RAB4B: variants seen among roughly 807,000 people sequenced by gnomAD.
The protein encoded by RAB4B is ras-related protein Rab-4B.
RAB4B carries 15 observed loss-of-function variants against 28.3 expected under a neutral mutation model. The ratio of observed to expected loss-of-function variants is 0.53; its 90% CI spans 0.35 to 0.82. The LOEUF (loss-of-function observed/expected upper bound fraction) is 0.82, where lower values mean the gene tolerates loss of function less well. RAB4B is among the 40% of genes least tolerant of loss of function. The pLI is 0.01. For synonymous variants in RAB4B, 108 were observed against 116.3 expected (o/e 0.93, Z 0.46); for missense variants, 244 against 288.5 (o/e 0.85, Z 1.12).
intron 7 of RAB4B, among the ~76,000 whole-genome samples, chr19:40,794,182 C>T (rs1420531314): frequency 6.6e-6 from 1 of 152,042 alleles, no homozygotes; most frequent in Non-Finnish European, 1.5e-5. Context: ...TCAAGCGATT[C>T]TCTTGCCTCA....
At chr19:40,778,960 A>C (rs1034571427) in intron 1 of RAB4B, 129 of 985,722 alleles carry the variant, frequency 1.3e-4, no homozygotes, top group Non-Finnish European at 1.5e-4. Context: ...GGAGGTGGTG[A>C]TTGGAGGCAG....
chr19:40,785,068 C>A (rs1187437270), intron 5 of RAB4B, among the ~76,000 whole-genome samples: 1 of 151,956 alleles, frequency 6.6e-6, no homozygotes, highest in African/African-American at 2.4e-5. Flanking sequence ...CTGCCTCGGC[C>A]TCCCAAAGTA....
intron 7 of RAB4B, among the ~76,000 whole-genome samples, chr19:40,788,254 T>C (rs2083121538): frequency 6.6e-6 from 1 of 151,952 alleles, no homozygotes; most frequent in Non-Finnish European, 1.5e-5. Flanking sequence ...CCCAGCACTT[T>C]GGCAGGGTGA....
intron 3 of RAB4B, among the ~76,000 whole-genome samples, chr19:40,781,722 C>G (rs1330324554): frequency 6.6e-6 from 1 of 152,078 alleles, no homozygotes; most frequent in Non-Finnish European, 1.5e-5. Context: ...TTGATAGACA[C>G]ATAGAAACCT....
At chr19:40,780,323 G>T in intron 2 of RAB4B, 62 bp from the exon 3 acceptor site, 2 of 1,490,858 alleles carry the variant, frequency 1.3e-6, no homozygotes, top group South Asian at 2.5e-5. Context: ...TTGGAGGATG[G>T]GGGATCCTCT....
intron 7 of RAB4B, among the ~76,000 whole-genome samples, chr19:40,787,638 A>G (rs2604893): frequency 0.78 from 115,948 of 148,068 alleles, 45,844 homozygotes; most frequent in African/African-American, 0.88. Flanking sequence ...GGCCAGGGTC[A>G]GGGCACAGGC....
chr19:40,779,149 A>T (rs544681037), intron 1 of RAB4B: 20 of 373,552 alleles, frequency 5.4e-5, no homozygotes, highest in Middle Eastern at 1.4e-3. Flanking sequence ...GTGAAGAGGA[A>T]CAAGGGCTAT....
Position 40,780,519 on chromosome 19 carries a change from A to C in RAB4B, c.212+20A>C. ...GTTTCGGTAGGTGGGCTGGGCTCCC[A>C]AGGGTGATGGGGAGAGAGAGTGAGA... On this transcript the variant is annotated intron_variant, in intron 3 of 7. Transcript: ENST00000357052. 6.3e-7 allele frequency: 1 copy of C among 1,591,428 alleles called. No homozygotes were observed. Among genetic ancestry groups the C allele is most frequent in the Non-Finnish European group, 8.6e-7 (1 of 1,161,062 alleles).
chr19:40,790,743 G>A (rs955669499), intron 7 of RAB4B, among the ~76,000 whole-genome samples: 1 of 145,428 alleles, frequency 6.9e-6, no homozygotes, highest in African/African-American at 2.6e-5. Context: ...GTGCAGTGGC[G>A]CCATCTTGGC....
At chr19:40,784,516 C>A (rs77971284) in intron 5 of RAB4B, among the ~76,000 whole-genome samples, 1 of 127,040 alleles carries the variant, frequency 7.9e-6, no homozygotes, top group African/African-American at 2.7e-5. Context: ...AACAACAAAA[C>A]AACAACAAAA....
At chr19:40,778,579 T>C (rs947447356) in intron 1 of RAB4B, among the ~76,000 whole-genome samples, 188 bp downstream of exon 1, 2 of 151,556 alleles carry the variant, frequency 1.3e-5, no homozygotes, top group African/African-American at 4.9e-5. Context: ...AGCCTGAGGG[T>C]CTGGTGCGTG....
intron 7 of RAB4B, among the ~76,000 whole-genome samples, chr19:40,789,002 G>A (rs1010303409): frequency 6.6e-6 from 1 of 151,438 alleles, no homozygotes; most frequent in African/African-American, 2.4e-5. Context: ...GGCTGGTCTC[G>A]ATCTCTTGAC....
At chr19:40,784,721 C>T (rs1477171399) in intron 5 of RAB4B, among the ~76,000 whole-genome samples, 11 of 152,064 alleles carry the variant, frequency 7.2e-5, no homozygotes, top group South Asian at 4.2e-4. Context: ...GTCAGGAGGC[C>T]GCACAGGGTA....
intron 5 of RAB4B, chr19:40,785,953 C>G (rs1045757185): frequency 6.4e-6 from 1 of 156,542 alleles, no homozygotes; most frequent in South Asian, 1.7e-4. Context: ...ACTGGGGGGG[C>G]AGGCAGAGGG....
At chr19:40,786,205 T>G (rs188201241) in intron 5 of RAB4B, 186 of 171,896 alleles carry the variant, frequency 1.1e-3, no homozygotes, top group Non-Finnish European at 1.1e-3. Flanking sequence ...AGGGGTGGAA[T>G]GGGGCAGGCC....
Position 40,787,935 on chromosome 19 carries a change from C to T in RAB4B, c.*15+957C>T, listed in dbSNP as rs941346999. 3.2e-5 allele frequency among the ~76,000 whole-genome samples: 4 copies of T among 125,488 alleles called. No individual in the cohort carries two copies. In the Admixed American group the frequency reaches 4.5e-4, roughly 14 times the overall value. The allele number at this position is 125,488 out of a possible 152,430, so 82.3% of individuals were successfully genotyped here. A position where few individuals can be genotyped will look rare whatever the true frequency, so the allele number is the denominator to read the frequency against. On this transcript the variant is annotated intron_variant, in intron 7 of 7. Coordinates refer to ENST00000357052, the MANE Select transcript of RAB4B (RefSeq NM_016154.5). ...CAAGATTCAGCCACTGCATTCCAGC[C>T]TGGGCGACAGAGCAAGACTCTGTCT... is the stretch of plus-strand genomic sequence containing the variant.
At chr19:40,788,499 A>AG (rs907627924) in intron 7 of RAB4B, among the ~76,000 whole-genome samples, 1 of 150,502 alleles carries the variant, frequency 6.6e-6, no homozygotes, top group Non-Finnish European at 1.5e-5. Flanking sequence ...AAAAAAAAAA[A>AG]AAAAGTAAAG....
Position 40,781,848 on chromosome 19 carries a change from C to T in RAB4B, c.212+1349C>T, listed in dbSNP as rs150720759. On this transcript the variant is annotated intron_variant, in intron 3 of 7. Coordinates refer to ENST00000357052, the MANE Select transcript of RAB4B (RefSeq NM_016154.5). The stretch of plus-strand genomic sequence containing the variant: ...CATCCTGGCTAACATGGTGAAACCC[C>T]GTCTCTACTAAAAATACAAAAAATT... 4.5e-3 allele frequency among the ~76,000 whole-genome samples: 679 copies of T among 151,944 alleles called. 2 individuals carry two copies. Among genetic ancestry groups the T allele is most frequent in the African/African-American group, 0.014 (600 of 41,448 alleles).
chr19:40,781,622 A>G (rs1381530302), intron 3 of RAB4B, among the ~76,000 whole-genome samples: 2 of 152,022 alleles, frequency 1.3e-5, no homozygotes, highest in African/African-American at 4.8e-5. Context: ...AGAGATGGAG[A>G]AATGGACGTG....
Sources: allele counts gnomAD v4.1 joint callset (sites outside exome capture counted in the v4.1 genomes callset), GRCh38; gene constraint gnomAD v4.1.1; transcripts MANE v1.5; gene names NCBI Gene and HGNC (gene_info 2026-07-23, HGNC 2026-07-21).